The following ATP8A2 variants were observed in gnomAD, a reference collection of about 807,000 sequenced individuals.
The protein encoded by ATP8A2 is phospholipid-transporting ATPase IB.
A neutral mutation model predicts 165.6 loss-of-function variants in ATP8A2; 100 were observed. The observed-to-expected ratio is 0.60, with a 90% CI of 0.51 to 0.71. The LOEUF (loss-of-function observed/expected upper bound fraction) is 0.71, where lower values mean the gene tolerates loss of function less well. Ranked by LOEUF, ATP8A2 falls within the 30% of genes least tolerant of loss-of-function variation. ATP8A2 has a pLI of 0.00. For synonymous variants in ATP8A2, 543 were observed against 548.8 expected (o/e 0.99, Z 0.15); for missense variants, 1,227 against 1,479.5 (o/e 0.83, Z 2.80).
intron 2 of ATP8A2, among the ~76,000 whole-genome samples, chr13:25,503,244 G>A (rs1425099412): frequency 6.6e-6 from 1 of 152,164 alleles, no homozygotes; most frequent in Non-Finnish European, 1.5e-5. Flanking sequence ...CATCGAGACC[G>A]AGTCCAAGGC....
chr13:25,768,723 A>G (rs2044549141), intron 25 of ATP8A2, among the ~76,000 whole-genome samples: 2 of 152,184 alleles, frequency 1.3e-5, no homozygotes, highest in South Asian at 2.1e-4. Context: ...GACCCCTGTA[A>G]CTAGACTGAC....
intron 25 of ATP8A2, among the ~76,000 whole-genome samples, chr13:25,722,924 G>A (rs1005391316): frequency 6.6e-5 from 10 of 152,262 alleles, no homozygotes; most frequent in African/African-American, 2.4e-4. Context: ...AAATTTGAAT[G>A]GAATTGTAGT....
chr13:25,663,374 G>C (rs992505501), intron 24 of ATP8A2, among the ~76,000 whole-genome samples: 1 of 152,066 alleles, frequency 6.6e-6, no homozygotes, highest in South Asian at 2.1e-4. Flanking sequence ...CGATTGCTGG[G>C]CAAATCTCAT....
intron 27 of ATP8A2, among the ~76,000 whole-genome samples, chr13:25,781,758 T>C (rs2044885849): frequency 6.6e-6 from 1 of 152,160 alleles, no homozygotes; most frequent in Non-Finnish European, 1.5e-5. Flanking sequence ...TCCTGAGCTG[T>C]TGAGATTACT....
chr13:25,676,529 C>G (rs1479229252), intron 24 of ATP8A2, among the ~76,000 whole-genome samples: 2 of 152,124 alleles, frequency 1.3e-5, no homozygotes, highest in Non-Finnish European at 2.9e-5. Context: ...TGGCCACACA[C>G]TTTATTGCAT....
chr13:25,804,844 A>G (rs1950695979), intron 27 of ATP8A2, among the ~76,000 whole-genome samples: 1 of 152,206 alleles, frequency 6.6e-6, no homozygotes, highest in African/African-American at 2.4e-5. Flanking sequence ...TTCTAGCATC[A>G]AGAAAAGGTA....
At chr13:25,461,322 T>C (rs1048852151) in intron 1 of ATP8A2, among the ~76,000 whole-genome samples, 1 of 152,218 alleles carries the variant, frequency 6.6e-6, no homozygotes, top group Non-Finnish European at 1.5e-5. Flanking sequence ...AGCATTTTCA[T>C]TGTGTCTGTT....
chr13:25,713,190 T>G (rs2043188422), intron 25 of ATP8A2, among the ~76,000 whole-genome samples: 1 of 152,230 alleles, frequency 6.6e-6, no homozygotes. Flanking sequence ...TCAGTCTTGC[T>G]GTAAGTTTTA....
At chr13:25,811,976 T>C (rs1410205304) in intron 27 of ATP8A2, among the ~76,000 whole-genome samples, 1 of 152,184 alleles carries the variant, frequency 6.6e-6, no homozygotes, top group Non-Finnish European at 1.5e-5. Context: ...ACTTCCTGTT[T>C]CAACAGGTGA....
intron 32 of ATP8A2, among the ~76,000 whole-genome samples, chr13:25,861,342 T>A (rs919676985): frequency 2.0e-5 from 3 of 152,230 alleles, no homozygotes; most frequent in African/African-American, 4.8e-5. Flanking sequence ...TAGGCACATT[T>A]TCTGTGACTT....
chr13:25,390,379 A>G (rs970056532), intron 1 of ATP8A2, among the ~76,000 whole-genome samples: 1 of 152,176 alleles, frequency 6.6e-6, no homozygotes, highest in African/African-American at 2.4e-5. Flanking sequence ...TATAGTATGC[A>G]TAGTGTATGG....
chr13:25,517,657 A>G (rs907851400), intron 2 of ATP8A2, among the ~76,000 whole-genome samples: 3 of 152,236 alleles, frequency 2.0e-5, no homozygotes, highest in African/African-American at 7.2e-5. Flanking sequence ...AGTCTAAAAG[A>G]GCACTAATAC....
chr13:25,690,074 A>T lies in ATP8A2; in HGVS notation c.2212-9099A>T, dbSNP rs1194553504. Reference sequence around the variant, plus strand: ...TTTGGGGGAAAAATAAATTAAGCATATTAGGGTTGCTATTTAATATCTTTT... The same window carrying T: ...TTTGGGGGAAAAATAAATTAAGCATTTTAGGGTTGCTATTTAATATCTTTT... On this transcript the variant is annotated intron_variant, in intron 24 of 36. Transcript: ENST00000381655. 2.6e-5 allele frequency among the ~76,000 whole-genome samples: 4 copies of T among 152,030 alleles called. No homozygotes were observed. The East Asian group carries it at 7.7e-4, about 29-fold the overall frequency.
At chr13:25,893,986 C>T (rs964480953) in intron 33 of ATP8A2, among the ~76,000 whole-genome samples, 1 of 152,168 alleles carries the variant, frequency 6.6e-6, no homozygotes, top group African/African-American at 2.4e-5. Flanking sequence ...TGTAGGATGC[C>T]TGTTCACTCT....
At chr13:25,934,160 T>G (rs1299686853) in intron 33 of ATP8A2, among the ~76,000 whole-genome samples, 2 of 152,252 alleles carry the variant, frequency 1.3e-5, no homozygotes, top group African/African-American at 2.4e-5. Flanking sequence ...TTACCTGTGC[T>G]GGGCCTTAAC....
chr13:25,797,638 A>G (rs761421766), intron 27 of ATP8A2, among the ~76,000 whole-genome samples: 2 of 152,100 alleles, frequency 1.3e-5, no homozygotes, highest in Non-Finnish European at 2.9e-5. Context: ...TCTTACTACC[A>G]TAGGTTTTAT....
chr13:25,519,497 T>C (rs1318067604), intron 2 of ATP8A2, among the ~76,000 whole-genome samples: 3 of 152,112 alleles, frequency 2.0e-5, no homozygotes, highest in Non-Finnish European at 4.4e-5. Flanking sequence ...TAATTAGGGC[T>C]CAGGAAATAT....
intron 33 of ATP8A2, among the ~76,000 whole-genome samples, chr13:25,930,546 G>T (rs543531610): frequency 6.6e-6 from 1 of 152,282 alleles, no homozygotes; most frequent in Admixed American, 6.5e-5. Flanking sequence ...CTCTGCAATG[G>T]CATCAAAATG....
intron 25 of ATP8A2, among the ~76,000 whole-genome samples, chr13:25,723,941 C>T (rs1387682978): frequency 3.3e-5 from 5 of 152,110 alleles, no homozygotes; most frequent in South Asian, 2.1e-4. Context: ...TTTGATGGAC[C>T]GTGGCTGGTT....
Sources: gnomAD v4.1 joint callset for allele counts (sites outside exome capture counted in the v4.1 genomes callset) on GRCh38, gnomAD v4.1.1 for gene constraint, MANE v1.5 for transcripts, NCBI Gene and HGNC (gene_info 2026-07-23, HGNC 2026-07-21) for gene names.